Variants in FBXO34 observed in about 807,000 individuals in gnomAD.
FBXO34 encodes the protein F-box only protein 34.
A neutral mutation model predicts 24.5 loss-of-function variants in FBXO34; 12 were observed. That is an observed-to-expected ratio of 0.49 (90% CI 0.31 to 0.79). The LOEUF (loss-of-function observed/expected upper bound fraction) is 0.79, where lower values mean the gene tolerates loss of function less well. Among genes scored for constraint, FBXO34 ranks in the 30% least tolerant of loss-of-function variants. The probability of loss-of-function intolerance (pLI) is 0.04; values close to 1 mark genes in which losing one functional copy is unlikely to be tolerated. For missense variants in FBXO34, 823 were observed against 857.7 expected, an observed-to-expected ratio of 0.96 and a Z score of 0.51; for synonymous variants, 320 against 311.9, an observed-to-expected ratio of 1.03 and a Z score of -0.27.
At chr14:55,364,349 A>C (rs1052949040), downstream of FBXO34, among the ~76,000 whole-genome samples, 5 of 152,190 alleles carry the variant, frequency 3.3e-5, no homozygotes, top group Non-Finnish European at 7.3e-5. Flanking sequence ...GCACAACAAA[A>C]AAGTCATTGA....
intron 3 of FBXO34, among the ~76,000 whole-genome samples, chr14:55,360,824 T>G (rs1594771417): frequency 6.6e-6 from 1 of 151,744 alleles, no homozygotes; most frequent in Non-Finnish European, 1.5e-5. Flanking sequence ...GTGGTGAAAC[T>G]CTGTCTCTAC....
chr14:55,375,567 C>T, the FBXO34 span, among the ~76,000 whole-genome samples: 1 of 139,764 alleles, frequency 7.2e-6, no homozygotes, highest in Non-Finnish European at 1.5e-5. Flanking sequence ...TGGTCTTGAA[C>T]TCCTGGGCTC....
the FBXO34 span, among the ~76,000 whole-genome samples, chr14:55,380,873 A>AT: frequency 1.1e-5 from 1 of 90,952 alleles, no homozygotes. Context: ...ATATATATAT[A>AT]TATTTTTTTT....
At chr14:55,284,316 C>G (rs1392587708) in intron 1 of FBXO34, among the ~76,000 whole-genome samples, 1 of 152,008 alleles carries the variant, frequency 6.6e-6, no homozygotes, top group Non-Finnish European at 1.5e-5. Context: ...GAGTTCGAGA[C>G]CAGCCTGACC....
At position 55,338,153 on chromosome 14, in the gene FBXO34, A is replaced by AAT. The variant is rs1333028250; in HGVS notation, c.-10-12227_-10-12226dup. Among the ~76,000 whole-genome samples the AAT allele has an allele frequency of 2.0e-5, 3 of 147,012 alleles. 1 individual carries two copies. Among genetic ancestry groups the AAT allele is most frequent in the Non-Finnish European group, 4.4e-5 (3 of 67,480 alleles). On this transcript the variant is annotated intron_variant, in intron 1 of 1. Coordinates refer to ENST00000313833, the MANE Select transcript of FBXO34 (RefSeq NM_017943.4). ...CAACCTCTGCCTCCCGGATTCAAGC[A>AAT]ATTCTCCTGCCTCAGTCTCCTGGGT...
the FBXO34 span, chr14:55,397,303 C>G: frequency 7.7e-7 from 1 of 1,300,332 alleles, no homozygotes; most frequent in Non-Finnish European, 1.1e-6. Flanking sequence ...CTGCATACCA[C>G]AGCACTGAAT....
chr14:55,369,493 AAAC>A, downstream of FBXO34: 1 of 996,966 alleles, frequency 1.0e-6, no homozygotes, highest in Non-Finnish European at 1.4e-6. Context: ...TAAAAAGACA[AAAC>A]AAAACAACAC....
chr14:55,368,818 A>ATAAG (rs1311754986), downstream of FBXO34: 4 of 152,250 alleles, frequency 2.6e-5, no homozygotes, highest in African/African-American at 4.8e-5. Flanking sequence ...CCCAGAAAAT[A>ATAAG]TAAGTTCAAT....
chr14:55,434,921 C>T, the FBXO34 span, among the ~76,000 whole-genome samples: 2 of 152,004 alleles, frequency 1.3e-5, no homozygotes, highest in South Asian at 4.2e-4. Flanking sequence ...GCAGGTCTTA[C>T]TCATCTTTGT....
chr14:55,432,045 C>T, the FBXO34 span, among the ~76,000 whole-genome samples: 1 of 151,902 alleles, frequency 6.6e-6, no homozygotes, highest in African/African-American at 2.4e-5. Context: ...AAGGGCAAAG[C>T]CAAATGTAGA....
chr14:55,314,869 C>T (rs774286146), intron 1 of FBXO34, among the ~76,000 whole-genome samples: 35 of 152,340 alleles, frequency 2.3e-4, no homozygotes, highest in Non-Finnish European at 5.9e-5. Flanking sequence ...CTTTCTCCCA[C>T]TTCATCCCCC....
the FBXO34 span, chr14:55,395,983 CTG>C: frequency 6.3e-7 from 1 of 1,583,316 alleles, no homozygotes; most frequent in African/African-American, 1.4e-5. Flanking sequence ...TTTTAACACT[CTG>C]TGAGGAAAAG....
At chr14:55,414,163 T>C in the FBXO34 span, 11 of 514,128 alleles carry the variant, frequency 2.1e-5, no homozygotes, top group Non-Finnish European at 3.8e-5. Context: ...CTCTCAAATT[T>C]TGAAATGTTT....
At chr14:55,304,785 A>G (rs1882482644) in intron 1 of FBXO34, among the ~76,000 whole-genome samples, 1 of 152,152 alleles carries the variant, frequency 6.6e-6, no homozygotes, top group Non-Finnish European at 1.5e-5. Context: ...GGCTTGAGCC[A>G]TTGTGCCCAA....
chr14:55,363,743 G>T (rs1360267730), downstream of FBXO34, among the ~76,000 whole-genome samples: 1 of 152,132 alleles, frequency 6.6e-6, no homozygotes, highest in Non-Finnish European at 1.5e-5. Context: ...AACATCATGA[G>T]ATTTTTTGCA....
chr14:55,272,069 A>C (rs905716881), intron 1 of FBXO34: 6 of 152,226 alleles, frequency 3.9e-5, no homozygotes, highest in Non-Finnish European at 5.9e-5. Context: ...GGCTGGCGCA[A>C]GTCGACTGCG....
the FBXO34 span, among the ~76,000 whole-genome samples, chr14:55,441,849 G>A: frequency 4.6e-5 from 7 of 151,662 alleles, no homozygotes; most frequent in Non-Finnish European, 7.4e-5. Context: ...TGCAACCTCC[G>A]CCTCCCAGGT....
chr14:55,288,660 G>A (rs968751323), intron 1 of FBXO34, among the ~76,000 whole-genome samples: 5 of 152,176 alleles, frequency 3.3e-5, no homozygotes, highest in Non-Finnish European at 5.9e-5. Context: ...CTTTTGTAAT[G>A]ATTTCTTCAG....
the FBXO34 span, among the ~76,000 whole-genome samples, chr14:55,426,079 C>A: frequency 6.6e-6 from 1 of 151,878 alleles, no homozygotes; most frequent in East Asian, 1.9e-4. Context: ...CCAGCCTGGC[C>A]AATATGGTAA....
Sources: allele counts gnomAD v4.1 joint callset (sites outside exome capture counted in the v4.1 genomes callset), GRCh38; gene constraint gnomAD v4.1.1; transcripts MANE v1.5; gene names NCBI Gene and HGNC (gene_info 2026-07-23, HGNC 2026-07-21).